The following GLT8D2 variants were observed in gnomAD, a reference collection of about 807,000 sequenced individuals.
GLT8D2 encodes the protein glycosyltransferase 8 domain containing 2.
GLT8D2 carries 45 observed loss-of-function variants against 44.5 expected under a neutral mutation model. The ratio of observed to expected loss-of-function variants is 1.01; its 90% CI spans 0.80 to 1.30. GLT8D2 has a LOEUF of 1.30. Among genes scored for constraint, GLT8D2 ranks in the 50% most tolerant of loss-of-function variants. The probability of loss-of-function intolerance (pLI) is 0.00; values close to 1 mark genes in which losing one functional copy is unlikely to be tolerated. For missense variants in GLT8D2, 400 were observed against 430.4 expected (o/e 0.93, Z 0.62); for synonymous variants, 156 against 157.2 (o/e 0.99, Z 0.06).
chr12:104,042,974 A>C (rs1420099450), intron 1 of GLT8D2, among the ~76,000 whole-genome samples: 1 of 152,206 alleles, frequency 6.6e-6, no homozygotes, highest in East Asian at 1.9e-4. Context: ...TCTTCTGGCT[A>C]ACAAGGTCCC....
chr12:104,055,305 C>T lies in GLT8D2; in HGVS notation c.-422-5017G>A, dbSNP rs140317088. ...AGTGCTATAATCCATTCAGGTCAGC[C>T]TCTCAGGACACTGAACAGGTTGAAG... is the stretch of plus-strand genomic sequence containing the variant. On this transcript the variant is annotated intron_variant, in intron 1 of 10. Transcript: ENST00000548660. Among the ~76,000 whole-genome samples the T allele has an allele frequency of 1.8e-3, 270 of 152,322 alleles. 1 individual carries two copies. Among genetic ancestry groups the T allele is most frequent in the Middle Eastern group, 3.4e-3 (1 of 294 alleles).
upstream of GLT8D2, among the ~76,000 whole-genome samples, chr12:104,053,883 CA>C (rs10642482): frequency 2.4e-4 from 33 of 140,312 alleles, no homozygotes; most frequent in South Asian, 8.8e-4. Context: ...GACTCCGTCT[CA>C]AAAAAAAAAA....
At chr12:104,003,558 T>C (rs1051643689) in intron 4 of GLT8D2, among the ~76,000 whole-genome samples, 1 of 152,216 alleles carries the variant, frequency 6.6e-6, no homozygotes, top group African/African-American at 2.4e-5. Flanking sequence ...CAATGGGATG[T>C]TGGTTTAAGT....
In GLT8D2 at chr12:104,018,024, C is replaced by T. The variant is rs55894316; in HGVS notation, c.19+1606G>A. 1.9e-3 allele frequency among the ~76,000 whole-genome samples: 286 copies of T among 152,048 alleles called. 1 individual carries two copies. The highest frequency in any genetic ancestry group is 6.4e-3 in the African/African-American group (267 of 41,452). ...CACCTCAGTTGCCCTGGCTGGAGTG[C>T]AGCAGTGTGATCTCAGCTCACTGTA... On this transcript the variant is annotated intron_variant, in intron 3 of 10. Transcript: ENST00000360814.
At chr12:104,049,476 G>A (rs1031407540) in intron 1 of GLT8D2, 2 of 152,174 alleles carry the variant, frequency 1.3e-5, no homozygotes, top group African/African-American at 4.8e-5. Context: ...CCTCAGAACA[G>A]CTTCCTAAGG....
chr12:104,021,953 AGAG>A (rs1341244109), intron 1 of GLT8D2, among the ~76,000 whole-genome samples: 254 of 13,654 alleles, frequency 0.019, 15 homozygotes, highest in East Asian at 0.11. Context: ...AAGAAGAAGA[AGAG>A]GAAGAAGAGG....
intron 3 of GLT8D2, among the ~76,000 whole-genome samples, chr12:104,016,318 T>C (rs2629798): frequency 0.35 from 53,566 of 151,876 alleles, 9,808 homozygotes; most frequent in African/African-American, 0.43. Flanking sequence ...ACAGCTGCTT[T>C]TCAGTTAATT....
chr12:104,026,729 T>A (rs540576166), intron 1 of GLT8D2, among the ~76,000 whole-genome samples: 5 of 152,322 alleles, frequency 3.3e-5, no homozygotes, highest in African/African-American at 1.2e-4. Context: ...TTTGTGACAT[T>A]TTGCCAATTA....
At chr12:103,990,885 T>A (rs141159443) in intron 10 of GLT8D2, among the ~76,000 whole-genome samples, 1 of 152,280 alleles carries the variant, frequency 6.6e-6, no homozygotes, top group Non-Finnish European at 1.5e-5. Flanking sequence ...CAGAACTACC[T>A]CAGAGGGGCT....
At chr12:104,015,624 G>T (rs1159899619) in intron 3 of GLT8D2, among the ~76,000 whole-genome samples, 1 of 152,040 alleles carries the variant, frequency 6.6e-6, no homozygotes, top group East Asian at 1.9e-4. Flanking sequence ...GAACACTATT[G>T]TTGCTCAGGG....
intron 7 of GLT8D2, 66 bp downstream of exon 7, chr12:103,997,385 G>A (rs1313508993): frequency 5.4e-6 from 6 of 1,112,602 alleles, no homozygotes; most frequent in Middle Eastern, 2.0e-4. Context: ...GAAAAATGAA[G>A]AGAGACAGTT....
At chr12:104,060,928 G>GAA (rs965067759) in intron 1 of GLT8D2, among the ~76,000 whole-genome samples, 1 of 135,944 alleles carries the variant, frequency 7.4e-6, no homozygotes, top group Admixed American at 7.3e-5. Context: ...GTCTCAAAAA[G>GAA]AAAAAAAAAA....
intron 10 of GLT8D2, among the ~76,000 whole-genome samples, chr12:103,990,078 AATAT>A (rs57178471): frequency 5.3e-3 from 650 of 121,648 alleles, no homozygotes; most frequent in Middle Eastern, 8.1e-3. Flanking sequence ...TATGTGTACA[AATAT>A]ATATATATAT....
chr12:104,035,882 T>C (rs990331566), intron 1 of GLT8D2, among the ~76,000 whole-genome samples: 1 of 151,798 alleles, frequency 6.6e-6, no homozygotes, highest in Admixed American at 6.6e-5. Flanking sequence ...TTCACCAAGG[T>C]TGAAATGAAG....
intron 10 of GLT8D2, among the ~76,000 whole-genome samples, chr12:103,991,376 T>G (rs866403943): frequency 1.3e-5 from 2 of 152,100 alleles, no homozygotes; most frequent in Non-Finnish European, 2.9e-5. Context: ...TTAGTAGAGA[T>G]GGGGTTTCAC....
intron 10 of GLT8D2, among the ~76,000 whole-genome samples, chr12:103,992,598 T>C (rs1223934819): frequency 6.6e-6 from 1 of 151,678 alleles, no homozygotes; most frequent in Non-Finnish European, 1.5e-5. Context: ...GTCCAAGCGA[T>C]TCTCCTGCCT....
chr12:103,992,030 T>G (rs1011591505), intron 10 of GLT8D2, among the ~76,000 whole-genome samples: 26 of 152,156 alleles, frequency 1.7e-4, no homozygotes, highest in African/African-American at 6.3e-4. Context: ...TTTTAATAAC[T>G]TCTTTGGCAG....
At chr12:104,049,038 A>G (rs1375735738) in intron 1 of GLT8D2, among the ~76,000 whole-genome samples, 2 of 152,204 alleles carry the variant, frequency 1.3e-5, no homozygotes, top group Non-Finnish European at 2.9e-5. Flanking sequence ...CATTAAAGGG[A>G]GAACTGGAAT....
At chr12:104,064,217 A>G (rs1272968894), upstream of GLT8D2, 1 of 209,814 alleles carries the variant, frequency 4.8e-6, no homozygotes, top group Non-Finnish European at 9.5e-6. This position sits in a 1 kb window ranked among gnomAD's most constrained non-coding sequence, Gnocchi z 7.3. Context: ...TAGATGCTCA[A>G]TTAAAGTGGA....
Sources: allele counts gnomAD v4.1 joint callset (sites outside exome capture counted in the v4.1 genomes callset), GRCh38; gene constraint gnomAD v4.1.1; non-coding constraint Gnocchi (gnomAD v3.1); transcripts MANE v1.5; gene names NCBI Gene and HGNC (gene_info 2026-07-23, HGNC 2026-07-21).